SRC: variants seen among roughly 807,000 people sequenced by gnomAD.
SRC encodes SRC proto-oncogene, non-receptor tyrosine kinase.
Under a neutral mutation model 62.9 loss-of-function variants are expected in SRC, and 13 were observed. The ratio of observed to expected loss-of-function variants is 0.21; its 90% CI spans 0.13 to 0.33. SRC has a LOEUF of 0.33. Ranked by LOEUF, SRC falls within the 10% of genes least tolerant of loss-of-function variation. SRC has a pLI of 1.00. For missense variants in SRC, 457 were observed against 737.3 expected, an observed-to-expected ratio of 0.62 and a Z score of 4.40; for synonymous variants, 302 against 317.5, an observed-to-expected ratio of 0.95 and a Z score of 0.52.
rs575691508 is a variant in SRC, at chr20:37,405,190, A to G, written c.*1811A>G. 1 of 227,404 alleles carries G rather than the reference A, an allele frequency of 4.4e-6. No homozygotes were observed. The highest frequency in any genetic ancestry group is 1.8e-4 in the South Asian group (1 of 5,412). The allele number at this position is 227,404 out of a possible 1,614,324, so 14.1% of individuals were successfully genotyped here. ...CAGCGAGCTCTCAAATCCCTCTCCA[A>G]CTGCCTAAGGCCCTTTGTGTAAGGT... On this transcript the variant is annotated 3_prime_UTR_variant, in exon 14 of 14. Transcript: ENST00000373578.
intron 2 of SRC, among the ~76,000 whole-genome samples, chr20:37,380,929 C>T (rs1024086518): frequency 8.6e-5 from 13 of 151,898 alleles, no homozygotes; most frequent in African/African-American, 7.2e-5. Context: ...TTACCATTTA[C>T]GGAGGCCTGG....
chr20:37,380,326 A>G (rs1293298964), intron 2 of SRC, among the ~76,000 whole-genome samples: 1 of 152,142 alleles, frequency 6.6e-6, no homozygotes, highest in Non-Finnish European at 1.5e-5. Context: ...CCACCTGCCC[A>G]GTGTGGTGGC....
rs1908516882 is a variant in SRC at position 37,405,590 on chromosome 20, T to C, written c.*2211T>C. 5.8e-6 allele frequency: 1 copy of C among 172,996 alleles called. No homozygotes were observed. The highest frequency in any genetic ancestry group is 2.4e-5 in the African/African-American group (1 of 42,072). 10.7% of individuals were successfully genotyped at this position (172,996 alleles called of 1,614,324 possible). ...GACAGCTACGGCAGAATGTGGCTGT[T>C]TGTGAACATCTGCACCTGTGTTAGG... On this transcript the variant is annotated 3_prime_UTR_variant, in exon 14 of 14. Transcript: ENST00000373578.
At chr20:37,350,666 A>G (rs1339632526) in intron 1 of SRC, among the ~76,000 whole-genome samples, 1 of 152,184 alleles carries the variant, frequency 6.6e-6, no homozygotes, top group Non-Finnish European at 1.5e-5. Context: ...CCCGTGGCTC[A>G]AATCTACTGG....
At chr20:37,344,867 A>G (rs895871385), upstream of SRC, 4 of 152,280 alleles carry the variant, frequency 2.6e-5, no homozygotes, top group African/African-American at 7.2e-5. Context: ...TTCTGTGGCC[A>G]TGTTCACTCC....
chr20:37,361,659 G>A (rs2069972259), intron 1 of SRC, among the ~76,000 whole-genome samples: 1 of 152,266 alleles, frequency 6.6e-6, no homozygotes, highest in Admixed American at 6.5e-5. Context: ...ACCCATCAGG[G>A]GTGGGGCAGC....
At chr20:37,372,079 C>G (rs1353675033) in intron 2 of SRC, among the ~76,000 whole-genome samples, 1 of 152,170 alleles carries the variant, frequency 6.6e-6, no homozygotes, top group East Asian at 1.9e-4. Flanking sequence ...CTCATTGCAG[C>G]TCTGAACTCC....
chr20:37,363,043 C>T (rs2070000914), intron 1 of SRC, among the ~76,000 whole-genome samples: 1 of 152,190 alleles, frequency 6.6e-6, no homozygotes, highest in Admixed American at 6.5e-5. Flanking sequence ...TCACAAACCG[C>T]CTAGCCTTTG....
rs1231920354 is a variant in SRC at position 37,384,508 on chromosome 20, C to T, written c.250+105C>T. On this transcript the variant is annotated intron_variant, in intron 4 of 13. Coordinates refer to ENST00000373578, the MANE Select transcript of SRC (RefSeq NM_198291.3). The surrounding 1 kb of genome is among the most constrained non-coding windows in gnomAD (Gnocchi z 6.7). ...CCCCCTCTGCGCAGGCCCTTCCTCT[C>T]GCCAGGGGTAGCGCCCCTGGGTGAC... 1 of 1,163,198 alleles carries T rather than the reference C, an allele frequency of 8.6e-7. No homozygotes were observed. The highest frequency in any genetic ancestry group is 1.1e-6 in the Non-Finnish European group (1 of 930,046). The allele number at this position is 1,163,198 out of a possible 1,614,324, so 72.1% of individuals were successfully genotyped here.
intron 5 of SRC, among the ~76,000 whole-genome samples, chr20:37,387,203 T>G (rs1464849806): frequency 1.3e-5 from 2 of 152,220 alleles, no homozygotes; most frequent in African/African-American, 2.4e-5. Flanking sequence ...CCCACTTGCC[T>G]TGCGCATGCT....
upstream of SRC, chr20:37,346,101 C>A: frequency 6.5e-6 from 1 of 153,998 alleles, no homozygotes. Flanking sequence ...TCCTCCTCCT[C>A]CCTTTCTCTC....
At chr20:37,361,735 G>A (rs1451559722) in intron 1 of SRC, among the ~76,000 whole-genome samples, 2 of 152,222 alleles carry the variant, frequency 1.3e-5, no homozygotes, top group Admixed American at 6.5e-5. Context: ...AGTGTTCTCT[G>A]TGATCCTCTC....
At chr20:37,379,778 C>T (rs2070333680) in intron 2 of SRC, among the ~76,000 whole-genome samples, 1 of 148,350 alleles carries the variant, frequency 6.7e-6, no homozygotes, top group Non-Finnish European at 1.5e-5. Context: ...TGACTGTAAT[C>T]CCAGCTACTT....
rs530216604 is a variant in SRC at position 37,357,341 on chromosome 20, C to T, written c.-246-7863C>T. On this transcript the variant is annotated intron_variant, in intron 1 of 13. Coordinates refer to ENST00000373578, the MANE Select transcript of SRC (RefSeq NM_198291.3). Reference sequence around the variant, plus strand: ...ATCTGGCTGTGAGCTCGGATGGGCCCTTCTCTTCTCTGGGCCACCTTCTCA... The same window carrying T: ...ATCTGGCTGTGAGCTCGGATGGGCCTTTCTCTTCTCTGGGCCACCTTCTCA... Among the ~76,000 whole-genome samples, 10 of 152,344 alleles carry T rather than the reference C, an allele frequency of 6.6e-5. No individual in the cohort carries two copies. The East Asian group carries it at 1.9e-3, about 29-fold the overall frequency.
chr20:37,368,524 TTTTTTTTTTTTTTTTTTTTG>T (rs2070105571), intron 2 of SRC, among the ~76,000 whole-genome samples: 1 of 127,720 alleles, frequency 7.8e-6, no homozygotes, highest in African/African-American at 3.4e-5. Context: ...TTTTCTTTTT[TTTTTTTTTTTTTTTTTTTTG>T]TTTTTTTTTT....
intron 2 of SRC, among the ~76,000 whole-genome samples, chr20:37,377,934 G>A (rs1357800338): frequency 6.6e-6 from 1 of 151,868 alleles, no homozygotes; most frequent in Non-Finnish European, 1.5e-5. Flanking sequence ...TGGGGTACAT[G>A]AGATATCTTG....
intron 2 of SRC, among the ~76,000 whole-genome samples, chr20:37,379,312 A>G (rs1228077107): frequency 1.3e-5 from 2 of 152,064 alleles, no homozygotes; most frequent in African/African-American, 4.8e-5. Flanking sequence ...GGAGGCTGCA[A>G]GTGGCGGAAG....
rs374918628 is a variant in SRC at position 37,393,938 on chromosome 20, A to G, written c.394A>G (p.Thr132Ala). ...GGCCCACTCGCTCAGCACAGGACAG[A>G]CAGGCTACATCCCCAGCAACTACGT... ...WLAHSLSTGQTGYIPSNYVAP... is the reference protein window; with the variant it reads ...WLAHSLSTGQAGYIPSNYVAP... The change falls in exon 6 of 14, where the codon ACA becomes GCA. Residue 132 changes from threonine to alanine, a missense_variant. Thr to Ala is a moderately conservative substitution (Grantham distance 58). Transcript: ENST00000373578. The G allele has an allele frequency of 2.5e-6, 4 of 1,614,098 alleles. No individual in the cohort carries two copies. The highest frequency in any genetic ancestry group is 3.4e-6 in the Non-Finnish European group (4 of 1,180,032).
intron 2 of SRC, among the ~76,000 whole-genome samples, chr20:37,376,022 C>T (rs1225823819): frequency 6.6e-6 from 1 of 152,198 alleles, no homozygotes; most frequent in Non-Finnish European, 1.5e-5. Context: ...AATCACCTCC[C>T]AAGGCCCACC....
Sources: gnomAD v4.1 joint callset for allele counts (sites outside exome capture counted in the v4.1 genomes callset) on GRCh38, gnomAD v4.1.1 for gene constraint, Gnocchi (gnomAD v3.1) non-coding constraint, MANE v1.5 for transcripts, NCBI Gene and HGNC (gene_info 2026-07-23, HGNC 2026-07-21) for gene names.